The following UNC79 variants were observed in gnomAD, a reference collection of about 807,000 sequenced individuals.
UNC79 encodes the protein protein unc-79 homolog.
A neutral mutation model predicts 283.1 loss-of-function variants in UNC79; 37 were observed. The ratio of observed to expected loss-of-function variants is 0.13; its 90% confidence interval spans 0.10 to 0.17. UNC79 has a LOEUF of 0.17. Among genes scored for constraint, UNC79 ranks in the 10% least tolerant of loss-of-function variants. The pLI, the probability that UNC79 is intolerant of heterozygous loss-of-function variation, is 1.00. For synonymous variants in UNC79, 1,107 were observed against 1,200.2 expected (o/e 0.92, Z 1.61); for missense variants, 2,272 against 3,211.1 (o/e 0.71, Z 7.07).
At chr14:93,497,371 C>T in intron 7 of UNC79, 85 bp downstream of exon 7, 1 of 1,447,308 alleles carries the variant, frequency 6.9e-7, no homozygotes, top group Non-Finnish European at 9.1e-7. Context: ...ACATTTTTAT[C>T]TTGCTGGATT....
At chr14:93,358,810 T>A (rs4905062) in intron 1 of UNC79, among the ~76,000 whole-genome samples, 112,647 of 152,052 alleles carry the variant, frequency 0.74, 42,654 homozygotes, top group African/African-American at 0.87. Flanking sequence ...GCCTCCCCTG[T>A]GTCAGTTGCC....
chr14:93,704,607 T>C lies in UNC79; in HGVS notation c.7549-18T>C, dbSNP rs2075747684. ...ATAGAGGACACTAATAATGAAGCTT[T>C]TGTCTTTCTCTATACAGCTGATACC... is the stretch of plus-strand genomic sequence containing the variant. On this transcript the variant is annotated intron_variant, in intron 47 of 48. Coordinates refer to ENST00000555664, the Ensembl canonical transcript of UNC79. 1 of 1,614,074 alleles carries C rather than the reference T, an allele frequency of 6.2e-7. No homozygotes were observed.
At chr14:93,339,700 G>C (rs1471010481) in intron 1 of UNC79, among the ~76,000 whole-genome samples, 1 of 152,236 alleles carries the variant, frequency 6.6e-6, no homozygotes, top group African/African-American at 2.4e-5. Context: ...TTCCTTGAAA[G>C]ATGTTGATGA....
At chr14:93,692,851 TGGA>T (rs1349645400) in intron 46 of UNC79, among the ~76,000 whole-genome samples, 1 of 152,210 alleles carries the variant, frequency 6.6e-6, no homozygotes. Flanking sequence ...GACTGTGTAT[TGGA>T]GGAGGACTCT....
chr14:93,627,271 T>C (rs563907021), intron 30 of UNC79, among the ~76,000 whole-genome samples: 1 of 152,338 alleles, frequency 6.6e-6, no homozygotes, highest in East Asian at 1.9e-4. Context: ...TTGTGGTCTC[T>C]GTCCTTGATC....
At chr14:93,579,290 T>C (rs2063647277) in intron 18 of UNC79, among the ~76,000 whole-genome samples, 1 of 152,244 alleles carries the variant, frequency 6.6e-6, no homozygotes, top group African/African-American at 2.4e-5. Context: ...TTTTCCCTTT[T>C]GTAACTAATA....
At chr14:93,665,211 A>C (rs2072049728) in intron 40 of UNC79, among the ~76,000 whole-genome samples, 1 of 147,924 alleles carries the variant, frequency 6.8e-6, no homozygotes, top group Non-Finnish European at 1.5e-5. Flanking sequence ...AATATAATAG[A>C]TTTAGTCATT....
At position 93,531,060 on chromosome 14, in the gene UNC79, CAAGTTATAAAATAT is replaced by C. The variant is rs2060801317; in HGVS notation, c.1094-1477_1094-1464del. ...AGTGCTCTGAGGTAAAAGCCATAGT[CAAGTTATAAAATAT>C]AAGTTATAAAATCCTTTTTAAATAT... is the stretch of plus-strand genomic sequence containing the variant. On this transcript the variant is annotated intron_variant, in intron 10 of 48. Transcript: ENST00000555664. This position sits in a 1 kb window ranked among gnomAD's most constrained non-coding sequence, Gnocchi z 4.2. 6.6e-6 allele frequency among the ~76,000 whole-genome samples: 1 copy of C among 152,126 alleles called. No homozygotes were observed. The highest frequency in any genetic ancestry group is 2.4e-5 in the African/African-American group (1 of 41,444).
At chr14:93,528,791 TATAGCA>T (rs2060664025) in intron 9 of UNC79, 145 bp downstream of exon 9, 4 of 758,326 alleles carry the variant, frequency 5.3e-6, no homozygotes, top group Non-Finnish European at 8.4e-6. Context: ...ATACTTAACA[TATAGCA>T]AACTTTCACT....
chr14:93,492,971 G>C lies in UNC79; in HGVS notation c.713-3440G>C, dbSNP rs1376998132. 6.6e-5 allele frequency among the ~76,000 whole-genome samples: 10 copies of C among 152,252 alleles called. No homozygotes were observed. In the East Asian group the frequency reaches 1.9e-3, roughly 29 times the overall value. Reference sequence around the variant, plus strand: ...GGGACTGACCCCATCCTCATCTCAGGAAGCTTATCGTATGGTCGGGTTGAG... The same window carrying C: ...GGGACTGACCCCATCCTCATCTCAGCAAGCTTATCGTATGGTCGGGTTGAG... On this transcript the variant is annotated intron_variant, in intron 5 of 48. Coordinates refer to ENST00000555664, the Ensembl canonical transcript of UNC79.
intron 1 of UNC79, among the ~76,000 whole-genome samples, chr14:93,388,322 G>A (rs1031925466): frequency 6.6e-6 from 1 of 152,078 alleles, no homozygotes; most frequent in Non-Finnish European, 1.5e-5. Flanking sequence ...AATATATTCA[G>A]TCATTATTTT....
chr14:93,523,879 G>A lies in UNC79; in HGVS notation c.899-99G>A, dbSNP rs1352201438. ...TTCTGTTAGAAAGCTTTCTGATGAT[G>A]GTTCTGTTTAGAAAAAAGAAAATAG... On this transcript the variant is annotated intron_variant, in intron 7 of 48. Coordinates refer to ENST00000555664, the Ensembl canonical transcript of UNC79. 4.0e-6 allele frequency: 5 copies of A among 1,237,354 alleles called. No homozygotes were observed. In the East Asian group the frequency reaches 9.6e-5, roughly 24 times the overall value. The allele number at this position is 1,237,354 out of a possible 1,614,324, so 76.6% of individuals were successfully genotyped here.
At chr14:93,672,977 A>G (rs2073019225) in intron 40 of UNC79, among the ~76,000 whole-genome samples, 1 of 152,228 alleles carries the variant, frequency 6.6e-6, no homozygotes, top group Non-Finnish European at 1.5e-5. Flanking sequence ...AGGTCACAGA[A>G]TAAAGAGTTG....
intron 47 of UNC79, among the ~76,000 whole-genome samples, chr14:93,695,543 A>G (rs1370091263): frequency 6.6e-6 from 1 of 152,158 alleles, no homozygotes; most frequent in Non-Finnish European, 1.5e-5. Flanking sequence ...GTAAGTCTTG[A>G]CTTACATTAT....
At chr14:93,696,297 A>G (rs2075118946) in intron 47 of UNC79, among the ~76,000 whole-genome samples, 1 of 152,146 alleles carries the variant, frequency 6.6e-6, no homozygotes, top group African/African-American at 2.4e-5. Flanking sequence ...TTGTGTACAT[A>G]TATGTTTTCA....
chr14:93,505,948 CA>C, intron 7 of UNC79, among the ~76,000 whole-genome samples: 1 of 151,736 alleles, frequency 6.6e-6, no homozygotes, highest in African/African-American at 2.4e-5. Context: ...TCCTGACTTC[CA>C]TGCTATACTT....
intron 24 of UNC79, among the ~76,000 whole-genome samples, chr14:93,599,378 G>A (rs887515960): frequency 1.3e-5 from 2 of 151,296 alleles, no homozygotes; most frequent in African/African-American, 4.9e-5. Context: ...GTGTGTGTGT[G>A]TGTGTGTATG....
intron 3 of UNC79, among the ~76,000 whole-genome samples, chr14:93,477,029 A>G (rs2057841927): frequency 6.6e-6 from 1 of 152,160 alleles, no homozygotes. Flanking sequence ...ACTTCCTCCC[A>G]TGATCATTGA....
intron 14 of UNC79, among the ~76,000 whole-genome samples, chr14:93,547,689 A>T (rs2061670945): frequency 6.6e-6 from 1 of 152,194 alleles, no homozygotes; most frequent in South Asian, 2.1e-4. Flanking sequence ...AGGACATGAT[A>T]AAGACAAAAA....
Sources: gnomAD v4.1 joint callset for allele counts (sites outside exome capture counted in the v4.1 genomes callset) on GRCh38, gnomAD v4.1.1 for gene constraint, Gnocchi (gnomAD v3.1) non-coding constraint, MANE v1.5 for transcripts, NCBI Gene and HGNC (gene_info 2026-07-23, HGNC 2026-07-21) for gene names.